Variants in DSCAM observed in about 807,000 individuals in gnomAD.
DSCAM encodes the protein DS cell adhesion molecule.
In DSCAM, 47 loss-of-function variants were observed where a neutral mutation model predicts 217.7. The ratio of observed to expected loss-of-function variants is 0.22; its 90% CI spans 0.17 to 0.28. The LOEUF is 0.28. DSCAM is among the 10% of genes least tolerant of loss of function. The pLI, the probability that DSCAM is intolerant of heterozygous loss-of-function variation, is 1.00. For synonymous variants in DSCAM, 1,056 were observed against 1,015.3 expected (o/e 1.04, Z -0.76); for missense variants, 2,080 against 2,618.3 (o/e 0.79, Z 4.49).
chr21:40,395,621 C>A (rs1450493278), intron 3 of DSCAM, among the ~76,000 whole-genome samples: 8 of 151,258 alleles, frequency 5.3e-5, no homozygotes, highest in Admixed American at 5.3e-4. Context: ...AAAAAAAAAT[C>A]AGAAATACTG....
At chr21:40,311,025 A>C (rs1325626933) in intron 9 of DSCAM, among the ~76,000 whole-genome samples, 1 of 152,134 alleles carries the variant, frequency 6.6e-6, no homozygotes, top group African/African-American at 2.4e-5. Context: ...CAGGTAGATA[A>C]AAAGTGCATT....
At chr21:40,190,197 G>A (rs1428016690) in intron 11 of DSCAM, among the ~76,000 whole-genome samples, 2 of 152,094 alleles carry the variant, frequency 1.3e-5, no homozygotes, top group Non-Finnish European at 2.9e-5. Context: ...AAAATTAAAA[G>A]AAGTCTAATA....
intron 20 of DSCAM, among the ~76,000 whole-genome samples, chr21:40,104,894 C>G (rs1601333544): frequency 6.6e-6 from 1 of 152,072 alleles, no homozygotes; most frequent in African/African-American, 2.4e-5. Flanking sequence ...GGCATTTTAG[C>G]CTGTGGATAA....
intron 10 of DSCAM, among the ~76,000 whole-genome samples, chr21:40,288,865 T>C (rs1373026152): frequency 6.6e-6 from 1 of 152,176 alleles, no homozygotes; most frequent in Non-Finnish European, 1.5e-5. Context: ...ATGCTGTGGT[T>C]CATATGGGGT....
At chr21:40,489,751 G>A (rs903980850) in intron 3 of DSCAM, among the ~76,000 whole-genome samples, 4 of 118,862 alleles carry the variant, frequency 3.4e-5, no homozygotes, top group Admixed American at 1.1e-4. Context: ...CTCCAGCCTG[G>A]GCGACAGGGC....
chr21:40,779,914 A>G (rs2091524814), intron 1 of DSCAM, among the ~76,000 whole-genome samples: 1 of 152,196 alleles, frequency 6.6e-6, no homozygotes, highest in Non-Finnish European at 1.5e-5. Context: ...TTTAAAAAAG[A>G]CAACTAAGAT....
At chr21:40,200,243 C>T (rs1356786045) in intron 11 of DSCAM, among the ~76,000 whole-genome samples, 1 of 152,122 alleles carries the variant, frequency 6.6e-6, no homozygotes, top group Non-Finnish European at 1.5e-5. Flanking sequence ...CAATTCATCC[C>T]CCAAACTTTT....
intron 1 of DSCAM, among the ~76,000 whole-genome samples, chr21:40,726,990 T>C (rs537629781): frequency 4.5e-4 from 69 of 152,282 alleles, no homozygotes; most frequent in African/African-American, 1.6e-3. Context: ...CCTCACCAAA[T>C]GTGGCCCTTC....
At chr21:40,108,060 G>T (rs1242885063) in intron 20 of DSCAM, among the ~76,000 whole-genome samples, 1 of 152,148 alleles carries the variant, frequency 6.6e-6, no homozygotes, top group African/African-American at 2.4e-5. Flanking sequence ...ACATCATACT[G>T]AATGGGCAAA....
At position 40,489,001 on chromosome 21, in the gene DSCAM, T is replaced by G. The variant is rs1414563586; in HGVS notation, c.509-119756A>C. ...GATAGTCAGAGGTCATGGGCACTAT[T>G]CTCTAGGTCTATGCTTCTAAAAAAC... On this transcript the variant is annotated intron_variant, in intron 3 of 32. Transcript: ENST00000400454. Among the ~76,000 whole-genome samples, 2 of 152,164 alleles carry G rather than the reference T, an allele frequency of 1.3e-5. 1 individual carries two copies. The highest frequency in any genetic ancestry group is 4.8e-5 in the African/African-American group (2 of 41,438).
chr21:40,296,137 G>T lies in DSCAM; in HGVS notation c.2100C>A (p.Asp700Glu). Residue 700 changes from aspartate (D) to glutamate (E), a missense_variant, in exon 10 of 33, where the codon GAC (aspartate) becomes GAA (glutamate). By Grantham distance (45) the Asp-to-Glu change is conservative. This residue lies in a region of DSCAM where 218 missense variants were observed against 364.1 expected (regional missense o/e 0.60). Transcript: ENST00000400454. The part of the protein sequence containing the change: ...PKFVVQPRDQ[D>E]GIYGKAVILN... ...GGATGACTGCTTTGCCATAAATCCCGTCCTGGTCCCGTGGCTGAACCACAA... is the reference window on the plus strand; with the variant it reads ...GGATGACTGCTTTGCCATAAATCCCTTCCTGGTCCCGTGGCTGAACCACAA... The T allele has an allele frequency of 6.2e-7, 1 of 1,614,094 alleles. No homozygotes were observed. The highest frequency in any genetic ancestry group is 8.5e-7 in the Non-Finnish European group (1 of 1,179,968).
chr21:40,735,746 A>C lies in DSCAM; in HGVS notation c.44-26975T>G, dbSNP rs560937937. 2.0e-5 allele frequency among the ~76,000 whole-genome samples: 3 copies of C among 152,286 alleles called. No homozygotes were observed. The East Asian group carries it at 5.8e-4, about 29-fold the overall frequency. ...GTGACAGAGTCATGATTCAAACCCA[A>C]ATCTGTTGCATTCTGCACTATTTTT... On this transcript the variant is annotated intron_variant, in intron 1 of 32. Transcript: ENST00000400454.
At chr21:40,310,807 T>A (rs1217498144) in intron 9 of DSCAM, among the ~76,000 whole-genome samples, 1 of 152,226 alleles carries the variant, frequency 6.6e-6, no homozygotes, top group Non-Finnish European at 1.5e-5. Context: ...TTTTTATTTA[T>A]CTTTCAAAAT....
At chr21:40,015,431 T>C (rs996178911) in intron 32 of DSCAM, among the ~76,000 whole-genome samples, 5 of 144,436 alleles carry the variant, frequency 3.5e-5, no homozygotes, top group African/African-American at 5.2e-5. Flanking sequence ...TTTTTTTTTT[T>C]CTTTTTTAAA....
At chr21:40,707,394 G>T (rs1405638416) in intron 2 of DSCAM, among the ~76,000 whole-genome samples, 1 of 152,062 alleles carries the variant, frequency 6.6e-6, no homozygotes, top group Non-Finnish European at 1.5e-5. Flanking sequence ...GAATTCTCAT[G>T]CAGGTCTTGG....
At chr21:40,589,126 C>G (rs765770840) in intron 3 of DSCAM, among the ~76,000 whole-genome samples, 8 of 103,472 alleles carry the variant, frequency 7.7e-5, no homozygotes, top group Admixed American at 1.1e-4. Flanking sequence ...TTGCAATCAA[C>G]AAGTCACTTT....
intron 1 of DSCAM, among the ~76,000 whole-genome samples, chr21:40,756,970 A>G (rs1229226872): frequency 7.5e-6 from 1 of 134,076 alleles, no homozygotes; most frequent in Non-Finnish European, 1.6e-5. Context: ...TTGCCCAACA[A>G]ATGGTCGTGT....
chr21:40,107,499 G>A (rs2089836170), intron 20 of DSCAM, among the ~76,000 whole-genome samples: 2 of 152,004 alleles, frequency 1.3e-5, no homozygotes, highest in African/African-American at 4.8e-5. Flanking sequence ...TTTGAGTTCT[G>A]TAGATATTTA....
intron 5 of DSCAM, 52 bp downstream of exon 5, chr21:40,353,413 A>G: frequency 6.3e-7 from 1 of 1,580,362 alleles, no homozygotes; most frequent in East Asian, 2.3e-5. Context: ...TTATAACAGG[A>G]GCTCCATCGA....
Sources: allele counts gnomAD v4.1 joint callset (sites outside exome capture counted in the v4.1 genomes callset), GRCh38; gene constraint gnomAD v4.1.1; regional missense constraint gnomAD v4.1.1; transcripts MANE v1.5; gene names NCBI Gene and HGNC (gene_info 2026-07-23, HGNC 2026-07-21).